ZNF804B: variants seen among roughly 807,000 people sequenced by gnomAD.
The protein encoded by ZNF804B is zinc finger 804B.
ZNF804B carries 80 observed loss-of-function variants against 101.4 expected under a neutral mutation model. That is an observed-to-expected ratio of 0.79 (90% confidence interval 0.66 to 0.95). The LOEUF (loss-of-function observed/expected upper bound fraction) is 0.95, where lower values mean the gene tolerates loss of function less well. ZNF804B is among the 40% of genes least tolerant of loss of function. ZNF804B has a pLI of 0.00. For synonymous variants in ZNF804B, 622 were observed against 558.8 expected, an observed-to-expected ratio of 1.11 and a Z score of -1.59; for missense variants, 1,673 against 1,561.9, an observed-to-expected ratio of 1.07 and a Z score of -1.20.
rs752788019 is a variant in ZNF804B, at chr7:89,335,807, G to C, written c.2825G>C (p.Ser942Thr). ...GCCAAGAAATGTCAAGAACAATCAA[G>C]TAATGTTGAGATCTCTTCAAACAGT... Reference protein sequence around the residue: ...VQAKKCQEQSSNVEISSNSCK... With the variant: ...VQAKKCQEQSTNVEISSNSCK... Residue 942 changes from serine to threonine, a missense_variant, in exon 4 of 4, where the codon AGT becomes ACT. Ser to Thr is a moderately conservative substitution (Grantham distance 58, BLOSUM62 1). Transcript: ENST00000333190. 6.2e-7 allele frequency: 1 copy of C among 1,614,050 alleles called. No individual in the cohort carries two copies. The highest frequency in any genetic ancestry group is 8.5e-7 in the Non-Finnish European group (1 of 1,179,978).
At chr7:88,770,553 A>G (rs978107625) in intron 1 of ZNF804B, among the ~76,000 whole-genome samples, 2 of 152,228 alleles carry the variant, frequency 1.3e-5, no homozygotes, top group Admixed American at 6.5e-5. Context: ...TTGATGTTGC[A>G]TTAAGCCAGT....
chr7:89,097,305 T>G (rs1224458317), intron 1 of ZNF804B, among the ~76,000 whole-genome samples: 4 of 152,212 alleles, frequency 2.6e-5, no homozygotes, highest in African/African-American at 9.6e-5. Flanking sequence ...CACAGATCAA[T>G]TTCTGCAGTG....
At chr7:89,146,755 T>C (rs1193613765) in intron 1 of ZNF804B, among the ~76,000 whole-genome samples, 1 of 151,860 alleles carries the variant, frequency 6.6e-6, no homozygotes, top group Non-Finnish European at 1.5e-5. Context: ...GCCAGGTGTG[T>C]TGGTTCATGC....
chr7:89,201,939 A>C (rs2115652356), intron 1 of ZNF804B, among the ~76,000 whole-genome samples: 1 of 152,190 alleles, frequency 6.6e-6, no homozygotes, highest in East Asian at 1.9e-4. Flanking sequence ...GAGCAGCATG[A>C]CTATTTCCTT....
At chr7:88,873,342 T>C (rs142398346) in intron 1 of ZNF804B, among the ~76,000 whole-genome samples, 1 of 152,236 alleles carries the variant, frequency 6.6e-6, no homozygotes, top group East Asian at 1.9e-4. Context: ...TAAATTTGTT[T>C]GAGTTCATTG....
chr7:88,782,364 A>C (rs1007770836), intron 1 of ZNF804B, among the ~76,000 whole-genome samples: 1 of 152,238 alleles, frequency 6.6e-6, no homozygotes, highest in African/African-American at 2.4e-5. Flanking sequence ...ACTGTTAAAC[A>C]CTGATAGTTA....
At chr7:88,862,839 CCTG>C (rs1162072703) in intron 1 of ZNF804B, among the ~76,000 whole-genome samples, 2 of 152,106 alleles carry the variant, frequency 1.3e-5, no homozygotes, top group Non-Finnish European at 2.9e-5. Context: ...TATTCACTAT[CCTG>C]CACTCTGCTT....
At chr7:89,226,408 ATTAAAC>A (rs1789089553) in intron 2 of ZNF804B, among the ~76,000 whole-genome samples, 1 of 152,136 alleles carries the variant, frequency 6.6e-6, no homozygotes. Flanking sequence ...ATATGCTAGA[ATTAAAC>A]TTAATGTTTT....
intron 1 of ZNF804B, among the ~76,000 whole-genome samples, chr7:89,095,459 GACA>G (rs1421200769): frequency 1.3e-5 from 2 of 152,168 alleles, no homozygotes; most frequent in Non-Finnish European, 2.9e-5. Context: ...CTGTGCAAGA[GACA>G]ATTATAACAA....
At chr7:89,163,220 A>G (rs1791094618) in intron 1 of ZNF804B, among the ~76,000 whole-genome samples, 1 of 152,194 alleles carries the variant, frequency 6.6e-6, no homozygotes, top group Non-Finnish European at 1.5e-5. Flanking sequence ...TAACATTATC[A>G]TCAAGAATAA....
chr7:89,054,971 A>C (rs140139072), intron 1 of ZNF804B, among the ~76,000 whole-genome samples: 56 of 152,238 alleles, frequency 3.7e-4, no homozygotes, highest in African/African-American at 1.2e-3. Context: ...TACCTTCTAC[A>C]ACAGGAAGAA....
Position 89,254,648 on chromosome 7 carries a change from A to ATTT in ZNF804B, c.249+36355_249+36356insTTT, listed in dbSNP as rs1324787367. On this transcript the variant is annotated intron_variant, in intron 2 of 3. Coordinates refer to ENST00000333190, the MANE Select transcript of ZNF804B (RefSeq NM_181646.5). ...ACTATTTATTTTTATTTTTATTTTT[A>ATTT]TTATTTTTTTTTTTTGAGTCAGAAT... 4.4e-3 allele frequency among the ~76,000 whole-genome samples: 588 copies of ATTT among 132,310 alleles called. 5 individuals carry two copies. The highest frequency in any genetic ancestry group is 0.016 in the African/African-American group (563 of 35,094). 86.8% of individuals were successfully genotyped at this position (132,310 alleles called of 152,430 possible).
intron 1 of ZNF804B, among the ~76,000 whole-genome samples, chr7:88,799,278 C>T (rs2115705819): frequency 6.6e-6 from 1 of 152,156 alleles, no homozygotes; most frequent in East Asian, 1.9e-4. Context: ...GCACTAGATA[C>T]TTTTACATAC....
chr7:89,015,518 A>G (rs1411957205), intron 1 of ZNF804B, among the ~76,000 whole-genome samples: 1 of 150,730 alleles, frequency 6.6e-6, no homozygotes, highest in East Asian at 2.0e-4. Flanking sequence ...CCCAGAGTGT[A>G]ATGTTCCCCT....
intron 3 of ZNF804B, among the ~76,000 whole-genome samples, chr7:89,330,478 T>G (rs1473970518): frequency 6.6e-6 from 1 of 151,686 alleles, no homozygotes; most frequent in African/African-American, 2.4e-5. Context: ...ATATACAATT[T>G]TTTTCCAGTT....
At chr7:89,229,657 G>C (rs1789157811) in intron 2 of ZNF804B, among the ~76,000 whole-genome samples, 1 of 152,148 alleles carries the variant, frequency 6.6e-6, no homozygotes, top group African/African-American at 2.4e-5. Context: ...GACACATCTA[G>C]CAGGCATAAA....
intron 1 of ZNF804B, among the ~76,000 whole-genome samples, chr7:89,022,437 T>C (rs1052402493): frequency 6.6e-6 from 1 of 152,192 alleles, no homozygotes; most frequent in Non-Finnish European, 1.5e-5. Flanking sequence ...TGATTTTCTT[T>C]ATTATCCGGT....
intron 1 of ZNF804B, among the ~76,000 whole-genome samples, chr7:89,035,972 T>C (rs1316767493): frequency 6.9e-6 from 1 of 145,036 alleles, no homozygotes; most frequent in Non-Finnish European, 1.5e-5. Flanking sequence ...ATACATATTA[T>C]ATATTGTAGT....
intron 2 of ZNF804B, among the ~76,000 whole-genome samples, chr7:89,305,690 A>C (rs1464098696): frequency 6.6e-6 from 1 of 152,076 alleles, no homozygotes; most frequent in Non-Finnish European, 1.5e-5. Context: ...AGGGAAATAA[A>C]AACATATAAT....
Sources: gnomAD v4.1 joint callset for allele counts (sites outside exome capture counted in the v4.1 genomes callset) on GRCh38, gnomAD v4.1.1 for gene constraint, MANE v1.5 for transcripts, NCBI Gene and HGNC (gene_info 2026-07-23, HGNC 2026-07-21) for gene names.